TAF2: variants seen among roughly 807,000 people sequenced by gnomAD.
TAF2 encodes transcription initiation factor TFIID subunit 2.
Under a neutral mutation model 138.5 loss-of-function variants are expected in TAF2, and 61 were observed. The ratio of observed to expected loss-of-function variants is 0.44; its 90% confidence interval spans 0.36 to 0.54. The LOEUF is 0.54. Among genes scored for constraint, TAF2 ranks in the 20% least tolerant of loss-of-function variants. The pLI is 0.00. For synonymous variants in TAF2, 475 were observed against 469.9 expected, an observed-to-expected ratio of 1.01 and a Z score of -0.14; for missense variants, 1,090 against 1,427.9, an observed-to-expected ratio of 0.76 and a Z score of 3.81.
intron 25 of TAF2, among the ~76,000 whole-genome samples, chr8:119,734,472 T>C (rs1441067851): frequency 1.3e-5 from 2 of 152,218 alleles, no homozygotes; most frequent in African/African-American, 4.8e-5. Context: ...TAATTTTATT[T>C]ATTGACAGTT....
At chr8:119,771,057 C>A (rs1032818280) in intron 18 of TAF2, among the ~76,000 whole-genome samples, 1 of 151,736 alleles carries the variant, frequency 6.6e-6, no homozygotes, top group African/African-American at 2.4e-5. Flanking sequence ...GGCGACAGAG[C>A]GAGACTCCGT....
intron 22 of TAF2, among the ~76,000 whole-genome samples, chr8:119,747,502 T>C (rs552879016): frequency 1.3e-5 from 2 of 152,240 alleles, no homozygotes; most frequent in South Asian, 4.1e-4. Context: ...AGAAGTTCAG[T>C]TTCTCCTGGT....
chr8:119,755,274 A>G (rs1464464944), intron 22 of TAF2, among the ~76,000 whole-genome samples: 1 of 152,242 alleles, frequency 6.6e-6, no homozygotes, highest in Non-Finnish European at 1.5e-5. Flanking sequence ...TGGAAGGCCA[A>G]GGCGGGTGGA....
intron 3 of TAF2, among the ~76,000 whole-genome samples, chr8:119,816,332 CAG>C (rs1825475132): frequency 6.6e-6 from 1 of 151,654 alleles, no homozygotes; most frequent in African/African-American, 2.4e-5. Flanking sequence ...GCTGGGATTA[CAG>C]GCATGAGCCA....
In TAF2 at chr8:119,804,940, T is replaced by C. The variant is rs116723373; in HGVS notation, c.419-921A>G. Reference sequence around the variant, plus strand: ...AAGATTTTAATTTCCCTCCAAGAATTACAATCATATGCACTATCTCCAAAC... The same window carrying C: ...AAGATTTTAATTTCCCTCCAAGAATCACAATCATATGCACTATCTCCAAAC... On this transcript the variant is annotated intron_variant, in intron 4 of 25. Coordinates refer to ENST00000378164, the MANE Select transcript of TAF2 (RefSeq NM_003184.4). 6.4e-3 allele frequency among the ~76,000 whole-genome samples: 977 copies of C among 152,208 alleles called. 13 individuals carry two copies. The highest frequency in any genetic ancestry group is 0.022 in the African/African-American group (933 of 41,526).
At position 119,797,858 on chromosome 8, in the gene TAF2, A is replaced by C. The variant is rs183970315; in HGVS notation, c.793-12T>G. 157 of 1,612,998 alleles carry C rather than the reference A, an allele frequency of 9.7e-5. 1 individual carries two copies. In the East Asian group the frequency reaches 1.8e-3, roughly 19 times the overall value. On this transcript the variant is annotated splice_polypyrimidine_tract_variant and intron_variant, in intron 6 of 25. Transcript: ENST00000378164. ...CAAAAATGAGTAACCTGAAAAGAAG[A>C]AGCAAGGAAGATCATCTAAATGAAA...
rs543628550 is a variant in TAF2 at position 119,760,502 on chromosome 8, C to G, written c.2698+97G>C. 48 of 1,286,906 alleles carry G rather than the reference C, an allele frequency of 3.7e-5. No individual in the cohort carries two copies. In the East Asian group the frequency reaches 1.2e-3, roughly 31 times the overall value. The allele number at this position is 1,286,906 out of a possible 1,614,324, so 79.7% of individuals were successfully genotyped here. A position where few individuals can be genotyped will look rare whatever the true frequency, so the allele number is the denominator to read the frequency against. ...AGTCAAGAATTTAAAATTAAAATAT[C>G]TGTGTTATACATATTACGAAAACCC... On this transcript the variant is annotated intron_variant, in intron 20 of 25. Coordinates refer to ENST00000378164, the MANE Select transcript of TAF2 (RefSeq NM_003184.4).
chr8:119,805,575 A>T (rs1217082866), intron 4 of TAF2, among the ~76,000 whole-genome samples: 1 of 151,940 alleles, frequency 6.6e-6, no homozygotes, highest in Admixed American at 6.6e-5. Context: ...GCGTGGTGGC[A>T]GGAGACTGGA....
intron 25 of TAF2, among the ~76,000 whole-genome samples, chr8:119,733,420 C>T (rs888159635): frequency 5.3e-5 from 8 of 152,148 alleles, no homozygotes; most frequent in Non-Finnish European, 7.4e-5. Flanking sequence ...GGCCCATACT[C>T]TAGACTAGGT....
chr8:119,830,088 C>T (rs1335578346), intron 2 of TAF2, among the ~76,000 whole-genome samples: 8 of 151,830 alleles, frequency 5.3e-5, no homozygotes, highest in African/African-American at 1.9e-4. Flanking sequence ...TTAGTAGAGA[C>T]AGGGTTTCAC....
At chr8:119,760,559 C>A in intron 20 of TAF2, 40 bp downstream of exon 20, 1 of 1,605,916 alleles carries the variant, frequency 6.2e-7, no homozygotes, top group Non-Finnish European at 8.5e-7. Context: ...GTAAATAGTT[C>A]TTTCTAAAAT....
intron 25 of TAF2, 84 bp from the exon 26 acceptor site, chr8:119,732,270 G>A: frequency 7.8e-7 from 1 of 1,289,762 alleles, no homozygotes; most frequent in Non-Finnish European, 1.1e-6. Context: ...ATGACAGTAT[G>A]TAAAGAGGGA....
rs1476915733 is a variant in TAF2 at position 119,799,375 on chromosome 8, CA to C, written c.793-1530del. Among the ~76,000 whole-genome samples, 9 of 150,152 alleles carry C rather than the reference CA, an allele frequency of 6.0e-5. No homozygotes were observed. In the East Asian group the frequency reaches 1.4e-3, roughly 23 times the overall value. On this transcript the variant is annotated intron_variant, in intron 6 of 25. Transcript: ENST00000378164. ...CCTGTGTCCAAGTGTTCTCATTGTT[CA>C]GTTCCCACCTATGAGTGAGAACATG... is the stretch of plus-strand genomic sequence containing the variant.
intron 3 of TAF2, among the ~76,000 whole-genome samples, chr8:119,813,910 G>A (rs1368541257): frequency 6.6e-6 from 1 of 152,120 alleles, no homozygotes; most frequent in Non-Finnish European, 1.5e-5. Flanking sequence ...GAGGCCAGGA[G>A]TTCAAAACCA....
intron 4 of TAF2, among the ~76,000 whole-genome samples, chr8:119,805,787 T>C (rs540360786): frequency 1.3e-5 from 2 of 152,218 alleles, no homozygotes; most frequent in East Asian, 3.9e-4. Context: ...CCTGAAATGG[T>C]ATCATCCTGT....
chr8:119,801,681 G>A (rs1179293911), intron 6 of TAF2, 113 bp downstream of exon 6: 2 of 984,252 alleles, frequency 2.0e-6, no homozygotes, highest in East Asian at 2.5e-5. Context: ...GCCCACCTTG[G>A]CCTCCCAAAG....
At chr8:119,739,397 ATACTC>A (rs762856123) in intron 25 of TAF2, among the ~76,000 whole-genome samples, 4 of 152,144 alleles carry the variant, frequency 2.6e-5, no homozygotes, top group Non-Finnish European at 4.4e-5. Context: ...ATGAAGGAAA[ATACTC>A]TTGCCATTTC....
intron 6 of TAF2, among the ~76,000 whole-genome samples, chr8:119,800,905 T>C (rs1824209180): frequency 6.6e-6 from 1 of 151,952 alleles, no homozygotes; most frequent in African/African-American, 2.4e-5. Context: ...AAAAAGAGAG[T>C]TAACAACTAA....
chr8:119,790,568 G>GA (rs1011936967), intron 11 of TAF2, among the ~76,000 whole-genome samples: 2 of 151,780 alleles, frequency 1.3e-5, no homozygotes, highest in African/African-American at 2.4e-5. Flanking sequence ...TGTTAACAAT[G>GA]AAAAAAAATG....
Sources: gnomAD v4.1 joint callset for allele counts (sites outside exome capture counted in the v4.1 genomes callset) on GRCh38, gnomAD v4.1.1 for gene constraint, MANE v1.5 for transcripts, NCBI Gene and HGNC (gene_info 2026-07-23, HGNC 2026-07-21) for gene names.